Variants in TFCP2 observed in about 807,000 individuals in gnomAD.
The protein encoded by TFCP2 is transcription factor CP2, also known as alpha-globin transcription factor CP2.
Under a neutral mutation model 73.4 loss-of-function variants are expected in TFCP2, and 33 were observed. The ratio of observed to expected loss-of-function variants is 0.45; its 90% confidence interval spans 0.34 to 0.60. TFCP2 has a LOEUF of 0.60. Ranked by LOEUF, TFCP2 falls within the 20% of genes least tolerant of loss-of-function variation. The pLI, the probability that TFCP2 is intolerant of heterozygous loss-of-function variation, is 0.01. For synonymous variants in TFCP2, 193 were observed against 211.6 expected (o/e 0.91, Z 0.76); for missense variants, 352 against 604.0 (o/e 0.58, Z 4.37).
chr12:51,165,150 T>C (rs1592843962), intron 1 of TFCP2, among the ~76,000 whole-genome samples: 1 of 150,820 alleles, frequency 6.6e-6, no homozygotes, highest in Non-Finnish European at 1.5e-5. Context: ...AGTCCAGGAG[T>C]TCAAGACCAG....
At chr12:51,165,048 C>T (rs1294740937) in intron 1 of TFCP2, among the ~76,000 whole-genome samples, 1 of 151,996 alleles carries the variant, frequency 6.6e-6, no homozygotes, top group Non-Finnish European at 1.5e-5. Flanking sequence ...GACACCAAAG[C>T]CAGAAAAAGA....
At chr12:51,153,243 G>A (rs926341703) in intron 1 of TFCP2, among the ~76,000 whole-genome samples, 3 of 152,058 alleles carry the variant, frequency 2.0e-5, no homozygotes, top group Non-Finnish European at 4.4e-5. Context: ...AGGTGTGGTG[G>A]TGCACACCTG....
chr12:51,095,243 ACT>A lies in TFCP2; in HGVS notation c.1505_1506del (p.Lys502IlefsTer17). 6.2e-7 allele frequency: 1 copy of A among 1,614,112 alleles called. No homozygotes were observed. The highest frequency in any genetic ancestry group is 1.6e-4 in the Middle Eastern group (1 of 6,062). On this transcript the variant is annotated frameshift_variant, in exon 15 of 15. Transcript: ENST00000257915. LOFTEE classifies it high-confidence loss of function. ...ACTGGGCACGAAACGCCGCACTCCT[ACT>A]TCAGTATGATATGATAGCTATCATT... ...ETNDSYHIIL[K>X]
At chr12:51,111,104 T>C (rs1940388125) in intron 4 of TFCP2, 121 bp from the exon 5 acceptor site, 1 of 628,312 alleles carries the variant, frequency 1.6e-6, no homozygotes, top group East Asian at 2.8e-5. Context: ...ACATCCTAAA[T>C]TTCTTTGTTT....
At chr12:51,164,437 A>C (rs1941711979) in intron 1 of TFCP2, among the ~76,000 whole-genome samples, 1 of 151,974 alleles carries the variant, frequency 6.6e-6, no homozygotes, top group Non-Finnish European at 1.5e-5. Flanking sequence ...TCTCTACTAA[A>C]AATACAAAAA....
intron 4 of TFCP2, among the ~76,000 whole-genome samples, chr12:51,114,856 G>A (rs1048355634): frequency 6.6e-6 from 1 of 151,680 alleles, no homozygotes; most frequent in Admixed American, 6.6e-5. Context: ...GAGGTCAAGA[G>A]ATTGAGACTA....
At chr12:51,104,035 ATGTT>A (rs1940173756) in intron 9 of TFCP2, 116 bp downstream of exon 9, 6 of 1,053,644 alleles carry the variant, frequency 5.7e-6, no homozygotes. Context: ...AATTCAATAA[ATGTT>A]TGTTTAATGA....
Position 51,172,792 on chromosome 12 carries a change from A to C in TFCP2, c.-370T>G. The C allele has an allele frequency of 5.6e-6, 1 of 179,170 alleles. No individual in the cohort carries two copies. The highest frequency in any genetic ancestry group is 1.2e-5 in the Non-Finnish European group (1 of 83,116). 11.1% of individuals were successfully genotyped at this position (179,170 alleles called of 1,614,324 possible). On this transcript the variant is annotated 5_prime_UTR_variant, in exon 1 of 15. Coordinates refer to ENST00000257915, the MANE Select transcript of TFCP2 (RefSeq NM_005653.5). ...CAGTCAGACCAGCAGCAGCCGCAGG[A>C]AGCCAGCCCGGCGCTCCCACGCTGC...
intron 1 of TFCP2, among the ~76,000 whole-genome samples, chr12:51,139,726 T>C (rs934140858): frequency 1.3e-4 from 19 of 150,956 alleles, no homozygotes; most frequent in African/African-American, 4.2e-4. Context: ...GTTCTTTCCC[T>C]TGCCCCCAGG....
In TFCP2 at chr12:51,172,522, C is replaced by A; in HGVS notation, c.-100G>T. On this transcript the variant is annotated 5_prime_UTR_variant, in exon 1 of 15. Transcript: ENST00000257915. ...TAACGCAAACCAAGAAAACTACAAA[C>A]CAAGGTTTCCCACGCAGTGCCCACC... 1.3e-6 allele frequency: 2 copies of A among 1,535,992 alleles called. No individual in the cohort carries two copies. The highest frequency in any genetic ancestry group is 1.4e-5 in the African/African-American group (1 of 73,524).
At chr12:51,106,171 G>A (rs533828719) in intron 8 of TFCP2, among the ~76,000 whole-genome samples, 1 of 152,116 alleles carries the variant, frequency 6.6e-6, no homozygotes, top group Non-Finnish European at 1.5e-5. Flanking sequence ...CCACTGTCTG[G>A]TGCAAGTATG....
At position 51,095,044 on chromosome 12, in the gene TFCP2, A is replaced by G; in HGVS notation, c.*197T>C. The G allele has an allele frequency of 1.5e-6, 1 of 653,726 alleles. No individual in the cohort carries two copies. Among genetic ancestry groups the G allele is most frequent in the Middle Eastern group, 4.1e-4 (1 of 2,432 alleles). The allele number at this position is 653,726 out of a possible 1,614,324, so 40.5% of individuals were successfully genotyped here. A position where few individuals can be genotyped will look rare whatever the true frequency, so the allele number is the denominator to read the frequency against. On this transcript the variant is annotated 3_prime_UTR_variant, in exon 15 of 15. Coordinates refer to ENST00000257915, the MANE Select transcript of TFCP2 (RefSeq NM_005653.5). ...ACAGCTGCAGAACTGCATATTGGGCAGTAATCTGTGTGTACCACAAGAGCT... is the reference window on the plus strand; with the variant it reads ...ACAGCTGCAGAACTGCATATTGGGCGGTAATCTGTGTGTACCACAAGAGCT...
intron 13 of TFCP2, among the ~76,000 whole-genome samples, chr12:51,098,498 C>T (rs1325520985): frequency 3.3e-5 from 5 of 151,932 alleles, no homozygotes; most frequent in African/African-American, 1.2e-4. Flanking sequence ...TGGTGGCGCA[C>T]GCCTGTAATT....
At chr12:51,109,361 C>T in intron 5 of TFCP2, 88 bp from the exon 6 acceptor site, 1 of 1,399,846 alleles carries the variant, frequency 7.1e-7, no homozygotes, top group Non-Finnish European at 9.9e-7. Flanking sequence ...AACAGCAAAA[C>T]CTTTACCAGG....
chr12:51,101,912 A>G, intron 11 of TFCP2, 23 bp downstream of exon 11: 2 of 1,501,658 alleles, frequency 1.3e-6, no homozygotes, highest in Non-Finnish European at 1.9e-6. Context: ...AACCTTATTG[A>G]TATTTTAACA....
chr12:51,144,214 T>G (rs1941244516), intron 1 of TFCP2, among the ~76,000 whole-genome samples: 1 of 152,060 alleles, frequency 6.6e-6, no homozygotes, highest in Non-Finnish European at 1.5e-5. Flanking sequence ...TCAATTTTTT[T>G]GTAGAGATAG....
chr12:51,163,257 C>G (rs1003771279), intron 1 of TFCP2, among the ~76,000 whole-genome samples: 8 of 151,648 alleles, frequency 5.3e-5, no homozygotes, highest in Non-Finnish European at 1.0e-4. Flanking sequence ...GCCACTGCAC[C>G]CCAGCCTGGG....
chr12:51,103,581 A>G (rs1018595331), intron 10 of TFCP2, 89 bp downstream of exon 10: 1 of 936,544 alleles, frequency 1.1e-6, no homozygotes, highest in African/African-American at 1.7e-5. Flanking sequence ...ACACATATAC[A>G]CACACAACTC....
chr12:51,154,455 A>C (rs1941495546), intron 1 of TFCP2, among the ~76,000 whole-genome samples: 1 of 152,214 alleles, frequency 6.6e-6, no homozygotes, highest in African/African-American at 2.4e-5. Context: ...GCATTTTGGG[A>C]GGCCGAGGCG....
Sources: gnomAD v4.1 joint callset for allele counts (sites outside exome capture counted in the v4.1 genomes callset) on GRCh38, gnomAD v4.1.1 for gene constraint, MANE v1.5 for transcripts, NCBI Gene and HGNC (gene_info 2026-07-23, HGNC 2026-07-21) for gene names.